VPS13B: variants seen among roughly 807,000 people sequenced by gnomAD.
The protein encoded by VPS13B is vacuolar protein sorting 13 homolog B, also known as intermembrane lipid transfer protein VPS13B.
A neutral mutation model predicts 426.4 loss-of-function variants in VPS13B; 285 were observed. That is an observed-to-expected ratio of 0.67 (90% CI 0.61 to 0.74). The LOEUF is 0.74. VPS13B is among the 30% of genes least tolerant of loss of function. The probability of loss-of-function intolerance (pLI) is 0.00; values close to 1 mark genes in which losing one functional copy is unlikely to be tolerated. For synonymous variants in VPS13B, 1,676 were observed against 1,676.4 expected, an observed-to-expected ratio of 1.00 and a Z score of 0.01; for missense variants, 4,537 against 4,782.6, an observed-to-expected ratio of 0.95 and a Z score of 1.51.
intron 16 of VPS13B, among the ~76,000 whole-genome samples, chr8:99,191,683 A>G (rs1242616856): frequency 1.3e-5 from 2 of 151,734 alleles, no homozygotes; most frequent in East Asian, 1.9e-4. Context: ...CGCTGGGCCT[A>G]TTTTAGTGTT....
chr8:99,505,745 G>A (rs1821464965), intron 27 of VPS13B, among the ~76,000 whole-genome samples: 3 of 152,156 alleles, frequency 2.0e-5, no homozygotes. Context: ...AAACGCTGCT[G>A]ATGGATTTAC....
At chr8:99,380,646 GA>G (rs993686297) in intron 19 of VPS13B, among the ~76,000 whole-genome samples, 1 of 151,754 alleles carries the variant, frequency 6.6e-6, no homozygotes, top group African/African-American at 2.4e-5. Flanking sequence ...GGAAAGCTTT[GA>G]AAAAAAGATA....
intron 24 of VPS13B, among the ~76,000 whole-genome samples, chr8:99,472,483 T>G (rs1203197574): frequency 6.6e-6 from 1 of 151,260 alleles, no homozygotes; most frequent in Non-Finnish European, 1.5e-5. Context: ...CATAATTATT[T>G]GGGAAATTAG....
At chr8:99,556,373 G>A in intron 30 of VPS13B, 77 bp from the exon 31 acceptor site, 1 of 1,465,306 alleles carries the variant, frequency 6.8e-7, no homozygotes, top group Admixed American at 1.9e-5. Context: ...CACTATGTTA[G>A]TGAACAAAAT....
rs746324338 is a variant in VPS13B, at chr8:99,043,650, C to G, written c.291+5084C>G. Among the ~76,000 whole-genome samples, 6 of 152,234 alleles carry G rather than the reference C, an allele frequency of 3.9e-5. 2 individuals are homozygous for G. In the South Asian group the frequency reaches 1.0e-3, roughly 26 times the overall value. ...TCCATTGATTTTGTGGTCCCTCCCC[C>G]ACTGTGACTGAAAATTTTGTTACCT... On this transcript the variant is annotated intron_variant, in intron 3 of 61. Coordinates refer to ENST00000357162, the MANE Select transcript of VPS13B (RefSeq NM_152564.5).
Position 99,134,620 on chromosome 8 carries a change from T to C in VPS13B, c.1207-12T>C. On this transcript the variant is annotated splice_polypyrimidine_tract_variant and intron_variant, in intron 8 of 61. Coordinates refer to ENST00000357162, the MANE Select transcript of VPS13B (RefSeq NM_152564.5). ...CTAAATTTGATTTACTTAATATTCT[T>C]ATATTTCTTAGCTCACAGAAATGCA... is the stretch of plus-strand genomic sequence containing the variant. The C allele has an allele frequency of 6.3e-7, 1 of 1,578,796 alleles. No homozygotes were observed. Among genetic ancestry groups the C allele is most frequent in the Non-Finnish European group, 8.7e-7 (1 of 1,152,764 alleles).
At chr8:99,139,068 T>C (rs1398677022) in intron 12 of VPS13B, among the ~76,000 whole-genome samples, 6 of 152,246 alleles carry the variant, frequency 3.9e-5, no homozygotes, top group Non-Finnish European at 7.3e-5. Context: ...GTTACAGATA[T>C]TATAGTCCTT....
chr8:99,830,535 C>T (rs1439722809), intron 51 of VPS13B, among the ~76,000 whole-genome samples: 1 of 152,178 alleles, frequency 6.6e-6, no homozygotes, highest in African/African-American at 2.4e-5. Flanking sequence ...GCCTGCTGGG[C>T]TCCCTGGGGG....
chr8:99,657,479 T>TGTGTGTGTGTGTGC (rs1830065533), intron 34 of VPS13B, among the ~76,000 whole-genome samples: 1 of 151,516 alleles, frequency 6.6e-6, no homozygotes, highest in Non-Finnish European at 1.5e-5. Flanking sequence ...ATTGTGTGTG[T>TGTGTGTGTGTGTGC]GTGTGTGTGT....
chr8:99,519,695 C>T (rs1054699678), intron 29 of VPS13B, among the ~76,000 whole-genome samples: 4 of 150,458 alleles, frequency 2.7e-5, no homozygotes, highest in East Asian at 2.0e-4. Flanking sequence ...AGCAAACTAT[C>T]GCAAGACAAA....
At chr8:99,094,783 C>A (rs1048508238) in intron 3 of VPS13B, among the ~76,000 whole-genome samples, 1 of 151,932 alleles carries the variant, frequency 6.6e-6, no homozygotes, top group African/African-American at 2.4e-5. Context: ...GAAATTTTCC[C>A]TTCAAATATA....
chr8:99,178,065 A>T (rs1308891267), intron 16 of VPS13B, among the ~76,000 whole-genome samples: 2 of 152,054 alleles, frequency 1.3e-5, no homozygotes, highest in African/African-American at 4.8e-5. Context: ...GTTAGTAATT[A>T]TTAAATTTAG....
chr8:99,228,826 G>A (rs535733782), intron 17 of VPS13B, among the ~76,000 whole-genome samples: 4 of 152,198 alleles, frequency 2.6e-5, no homozygotes, highest in Admixed American at 6.5e-5. Context: ...ACTGCTGGAC[G>A]TTCAAAAGGA....
At chr8:99,326,636 C>T (rs567972776) in intron 19 of VPS13B, among the ~76,000 whole-genome samples, 3 of 151,308 alleles carry the variant, frequency 2.0e-5, no homozygotes, top group African/African-American at 4.9e-5. Flanking sequence ...AGAGCTCAAG[C>T]GATCTGCCCA....
At chr8:99,378,973 G>A (rs556498901) in intron 19 of VPS13B, among the ~76,000 whole-genome samples, 2 of 152,268 alleles carry the variant, frequency 1.3e-5, no homozygotes, top group South Asian at 4.1e-4. Context: ...TCCATGGCTT[G>A]TTATGAACTG....
At chr8:99,249,223 C>A (rs1254780845) in intron 17 of VPS13B, among the ~76,000 whole-genome samples, 2 of 152,034 alleles carry the variant, frequency 1.3e-5, no homozygotes, top group Non-Finnish European at 2.9e-5. Context: ...TTTTTTATTG[C>A]TCATAATATT....
At chr8:99,028,877 G>A (rs531611336) in intron 2 of VPS13B, among the ~76,000 whole-genome samples, 2 of 4,380 alleles carry the variant, frequency 4.6e-4, no homozygotes, top group Non-Finnish European at 9.5e-4. Context: ...TATGGGGGCT[G>A]ACCCCCCCCA....
intron 23 of VPS13B, among the ~76,000 whole-genome samples, chr8:99,446,842 C>T: frequency 6.6e-6 from 1 of 152,176 alleles, no homozygotes; most frequent in East Asian, 1.9e-4. Flanking sequence ...AAGATCTTCT[C>T]TTGGAGGCAA....
chr8:99,079,854 G>C (rs536915952), intron 3 of VPS13B, among the ~76,000 whole-genome samples: 38 of 151,812 alleles, frequency 2.5e-4, no homozygotes, highest in Non-Finnish European at 7.4e-5. Flanking sequence ...GAACCCGGGA[G>C]GTGGAGGTTG....
Sources: allele counts gnomAD v4.1 joint callset (sites outside exome capture counted in the v4.1 genomes callset), GRCh38; gene constraint gnomAD v4.1.1; transcripts MANE v1.5; gene names NCBI Gene and HGNC (gene_info 2026-07-23, HGNC 2026-07-21).